Variants in CNBD1 observed in about 807,000 individuals in gnomAD.
CNBD1 encodes cyclic nucleotide binding domain containing 1, also known as cyclic nucleotide-binding domain-containing protein 1.
A neutral mutation model predicts 54.4 loss-of-function variants in CNBD1; 71 were observed. The ratio of observed to expected loss-of-function variants is 1.30; its 90% CI spans 1.08 to 1.59. CNBD1 has a LOEUF of 1.59. Ranked by LOEUF, CNBD1 falls within the 40% of genes most tolerant of loss-of-function variation. CNBD1 has a pLI of 0.00. For synonymous variants in CNBD1, 182 were observed against 170.7 expected (o/e 1.07, Z -0.51); for missense variants, 659 against 518.0 (o/e 1.27, Z -2.64).
At chr8:87,174,001 C>T (rs903864792) in intron 4 of CNBD1, among the ~76,000 whole-genome samples, 2 of 151,836 alleles carry the variant, frequency 1.3e-5, no homozygotes, top group African/African-American at 2.4e-5. Context: ...ACTCTGTCAC[C>T]AGGCTGGAGT....
At chr8:87,122,406 T>G (rs1811908023) in intron 4 of CNBD1, among the ~76,000 whole-genome samples, 1 of 151,884 alleles carries the variant, frequency 6.6e-6, no homozygotes, top group South Asian at 2.1e-4. Flanking sequence ...GCTTTATTGG[T>G]ATTGAGTTGA....
intron 4 of CNBD1, among the ~76,000 whole-genome samples, chr8:87,169,306 A>G (rs1183128526): frequency 1.3e-5 from 2 of 151,962 alleles, no homozygotes; most frequent in Non-Finnish European, 1.5e-5. Flanking sequence ...GTTTGAGCTT[A>G]TATATTCTGG....
chr8:87,195,861 C>T (rs1563503643), intron 4 of CNBD1, among the ~76,000 whole-genome samples: 2 of 152,170 alleles, frequency 1.3e-5, no homozygotes, highest in Non-Finnish European at 2.9e-5. Flanking sequence ...GCATGAGCTA[C>T]CACGCCCGAC....
rs534327384 is a variant in CNBD1 at position 87,425,139 on chromosome 8, A to T, written c.214-3407A>T. Among the ~76,000 whole-genome samples the T allele has an allele frequency of 7.9e-5, 12 of 151,356 alleles. No individual in the cohort carries two copies. In the South Asian group the frequency reaches 2.5e-3, roughly 32 times the overall value. ...GGCTCCTGAGGCTTCTGCATTCTTCACGTAGTTCTCGGGCCTTGGTTTTCA... is the reference window on the plus strand; with the variant it reads ...GGCTCCTGAGGCTTCTGCATTCTTCTCGTAGTTCTCGGGCCTTGGTTTTCA... On this transcript the variant is annotated intron_variant, in intron 2 of 7. Transcript: ENST00000521593.
chr8:87,268,269 C>T (rs1808300489), intron 6 of CNBD1, among the ~76,000 whole-genome samples: 1 of 152,094 alleles, frequency 6.6e-6, no homozygotes, highest in Non-Finnish European at 1.5e-5. Flanking sequence ...CATGTTGCTG[C>T]AAAGGACATG....
chr8:87,118,087 G>A (rs1450371115), intron 4 of CNBD1, among the ~76,000 whole-genome samples: 2 of 151,912 alleles, frequency 1.3e-5, no homozygotes, highest in Non-Finnish European at 2.9e-5. Context: ...AGGCCGAGGC[G>A]GGCGGATCAT....
chr8:86,984,777 G>A (rs1808567825), intron 4 of CNBD1, among the ~76,000 whole-genome samples: 1 of 152,148 alleles, frequency 6.6e-6, no homozygotes. Flanking sequence ...TTGTATCTAG[G>A]AAGTAACTAA....
At chr8:87,127,032 CT>C in intron 4 of CNBD1, among the ~76,000 whole-genome samples, 1 of 151,754 alleles carries the variant, frequency 6.6e-6, no homozygotes, top group East Asian at 2.0e-4. Flanking sequence ...ATCTATTCCC[CT>C]GTCTTTACAA....
chr8:87,227,110 C>G (rs1473172856), intron 5 of CNBD1, among the ~76,000 whole-genome samples: 2 of 152,066 alleles, frequency 1.3e-5, no homozygotes, highest in African/African-American at 4.8e-5. Context: ...TTCCTCCATC[C>G]TTTTATTTTG....
chr8:87,338,126 C>T (rs936273938), intron 8 of CNBD1, among the ~76,000 whole-genome samples: 2 of 152,106 alleles, frequency 1.3e-5, no homozygotes, highest in African/African-American at 4.8e-5. Flanking sequence ...ATTCTAATTT[C>T]AAATAATACT....
intron 2 of CNBD1, among the ~76,000 whole-genome samples, chr8:87,403,430 G>C (rs549941066): frequency 6.6e-6 from 1 of 152,012 alleles, no homozygotes; most frequent in East Asian, 1.9e-4. Flanking sequence ...AGTTAACCTT[G>C]TTTCAATTAC....
At chr8:87,021,135 A>G (rs1053080882) in intron 4 of CNBD1, among the ~76,000 whole-genome samples, 1 of 152,204 alleles carries the variant, frequency 6.6e-6, no homozygotes, top group African/African-American at 2.4e-5. Context: ...ACATAAACCA[A>G]GCTGTAACCC....
intron 4 of CNBD1, among the ~76,000 whole-genome samples, chr8:86,979,561 G>A (rs1277973642): frequency 6.6e-6 from 1 of 151,934 alleles, no homozygotes; most frequent in Admixed American, 6.6e-5. Flanking sequence ...AGCCTGGGTG[G>A]CAGAATAAGA....
chr8:87,365,270 C>CT (rs1337425787), intron 10 of CNBD1, among the ~76,000 whole-genome samples: 1 of 151,928 alleles, frequency 6.6e-6, no homozygotes, highest in East Asian at 1.9e-4. Context: ...TGATATTGTG[C>CT]TTTTTTTCAT....
At chr8:87,105,128 G>T (rs971925850) in intron 4 of CNBD1, among the ~76,000 whole-genome samples, 15 of 151,854 alleles carry the variant, frequency 9.9e-5, no homozygotes, top group Non-Finnish European at 1.6e-4. Flanking sequence ...GAGGAGATGG[G>T]TTTTTTTTAA....
At chr8:87,266,690 G>C (rs1293058084) in intron 6 of CNBD1, among the ~76,000 whole-genome samples, 1 of 151,830 alleles carries the variant, frequency 6.6e-6, no homozygotes, top group Non-Finnish European at 1.5e-5. Flanking sequence ...GACCTCAGGT[G>C]ATCTGCCTAC....
At chr8:87,026,524 G>A (rs952205017) in intron 4 of CNBD1, among the ~76,000 whole-genome samples, 6 of 151,860 alleles carry the variant, frequency 4.0e-5, no homozygotes, top group African/African-American at 1.5e-4. Context: ...CAGATTATTG[G>A]TTTATATTTC....
At chr8:86,997,818 T>C (rs1477934883) in intron 4 of CNBD1, among the ~76,000 whole-genome samples, 2 of 152,150 alleles carry the variant, frequency 1.3e-5, no homozygotes, top group South Asian at 2.1e-4. Flanking sequence ...GCTGTTCTTT[T>C]AGTAGGGCCT....
intron 3 of CNBD1, among the ~76,000 whole-genome samples, chr8:86,905,922 C>T (rs571835030): frequency 6.6e-6 from 1 of 152,338 alleles, no homozygotes; most frequent in East Asian, 1.9e-4. Flanking sequence ...AAACCTCCTA[C>T]TCCATACTAT....
Sources: allele counts gnomAD v4.1 joint callset (sites outside exome capture counted in the v4.1 genomes callset), GRCh38; gene constraint gnomAD v4.1.1; transcripts MANE v1.5; gene names NCBI Gene and HGNC (gene_info 2026-07-23, HGNC 2026-07-21).